The following EML5 variants were observed in gnomAD, a reference collection of about 807,000 sequenced individuals.
The protein encoded by EML5 is echinoderm microtubule-associated protein-like 5.
A neutral mutation model predicts 250.0 loss-of-function variants in EML5; 120 were observed. The observed-to-expected ratio is 0.48, with a 90% CI of 0.41 to 0.56. The LOEUF is 0.56. Ranked by LOEUF, EML5 falls within the 20% of genes least tolerant of loss-of-function variation. The pLI is 0.00. For missense variants in EML5, 2,006 were observed against 2,437.6 expected (o/e 0.82, Z 3.73); for synonymous variants, 771 against 806.5 (o/e 0.96, Z 0.75).
intron 14 of EML5, among the ~76,000 whole-genome samples, chr14:88,698,425 C>A (rs1272827228): frequency 2.0e-5 from 3 of 151,994 alleles, no homozygotes; most frequent in African/African-American, 7.2e-5. Context: ...CACCACCATG[C>A]CCGGCTAATT....
At chr14:88,705,067 C>A in intron 12 of EML5, 89 bp from the exon 13 acceptor site, 1 of 829,532 alleles carries the variant, frequency 1.2e-6, no homozygotes, top group Non-Finnish European at 1.8e-6. Flanking sequence ...CAGACATTGT[C>A]TGAAAACAAC....
chr14:88,737,252 G>A (rs774307893), intron 6 of EML5, among the ~76,000 whole-genome samples: 5 of 152,228 alleles, frequency 3.3e-5, no homozygotes, highest in Non-Finnish European at 7.3e-5. Context: ...GACTGAAAGA[G>A]CTATTAACAT....
At chr14:88,688,592 G>A in intron 17 of EML5, 119 bp from the exon 18 acceptor site, 1 of 1,020,558 alleles carries the variant, frequency 9.8e-7, no homozygotes, top group Non-Finnish European at 1.5e-6. Context: ...GCAACAGTAA[G>A]GAGAATTGAA....
intron 2 of EML5, 88 bp from the exon 3 acceptor site, chr14:88,746,371 T>G: frequency 2.8e-6 from 3 of 1,067,486 alleles, no homozygotes; most frequent in Non-Finnish European, 2.8e-6. Context: ...GAAATTATAC[T>G]CATGGGTTTT....
chr14:88,673,728 C>T (rs954836750), intron 21 of EML5, among the ~76,000 whole-genome samples: 2 of 152,142 alleles, frequency 1.3e-5, no homozygotes, highest in African/African-American at 4.8e-5. Flanking sequence ...TTCCTATATA[C>T]CAACAACAGA....
In EML5 at chr14:88,681,939, C is replaced by G; in HGVS notation, c.3075G>C (p.Trp1025Cys). 6.2e-7 allele frequency: 1 copy of G among 1,613,216 alleles called. No individual in the cohort carries two copies. Among genetic ancestry groups the G allele is most frequent in the Non-Finnish European group, 8.5e-7 (1 of 1,179,614 alleles). ...TVSDDKTLRI[W>C]DLSPSHCMLA... ...ACATACAATGACTAGGTGAGAGATC[C>G]CATATTCTTAAGGTTTTATCATCGC... The change falls in exon 21 of 44, where the codon TGG becomes TGC. Residue 1025 changes from tryptophan (W) to cysteine (C), a missense_variant. Transcript: ENST00000554922.
At chr14:88,674,910 T>A (rs1275004327) in intron 21 of EML5, among the ~76,000 whole-genome samples, 1 of 152,152 alleles carries the variant, frequency 6.6e-6, no homozygotes, top group Non-Finnish European at 1.5e-5. Context: ...AAGTCCAAAA[T>A]CCAGCAGGAC....
At position 88,632,454 on chromosome 14, in the gene EML5, C is replaced by G. The variant is rs1238998016; in HGVS notation, c.4357+2015G>C. ...CCTCTGCACTTAGCATGAATCCAAA[C>G]TCTTCTCCCTGAGCTACAGCATCCT... is the stretch of plus-strand genomic sequence containing the variant. On this transcript the variant is annotated intron_variant, in intron 33 of 43. Coordinates refer to ENST00000554922, the MANE Select transcript of EML5 (RefSeq NM_183387.3). Among the ~76,000 whole-genome samples, 3 of 152,190 alleles carry G rather than the reference C, an allele frequency of 2.0e-5. No homozygotes were observed. The South Asian group carries it at 6.2e-4, about 32-fold the overall frequency.
At chr14:88,760,153 A>G (rs1280000454) in intron 1 of EML5, among the ~76,000 whole-genome samples, 2 of 152,174 alleles carry the variant, frequency 1.3e-5, no homozygotes, top group Non-Finnish European at 2.9e-5. Context: ...TCTCTCACAG[A>G]GCAAACATTT....
chr14:88,621,103 CT>C lies in EML5; in HGVS notation c.5202+9del, dbSNP rs765799882. 5 of 1,606,640 alleles carry C rather than the reference CT, an allele frequency of 3.1e-6. No homozygotes were observed. In the African/African-American group the frequency reaches 5.4e-5, roughly 17 times the overall value. The stretch of plus-strand genomic sequence containing the variant: ...TTGTAACCTCTTTTAAAAAAATTAT[CT>C]GTACTTACTTTATCAGCAATATCCC... On this transcript the variant is annotated intron_variant, in intron 38 of 43. Transcript: ENST00000554922.
At chr14:88,661,312 A>T (rs530622667) in intron 25 of EML5, among the ~76,000 whole-genome samples, 37 of 152,296 alleles carry the variant, frequency 2.4e-4, no homozygotes, top group Non-Finnish European at 2.9e-4. Context: ...GCTGGCCTGA[A>T]ACGCCTGGCC....
intron 21 of EML5, among the ~76,000 whole-genome samples, chr14:88,669,380 C>T (rs1490350139): frequency 2.6e-5 from 4 of 152,216 alleles, no homozygotes; most frequent in Non-Finnish European, 5.9e-5. Context: ...ACTGCAGCTC[C>T]AGTCTGCCAT....
chr14:88,694,396 T>C lies in EML5; in HGVS notation c.2450A>G (p.Asp817Gly). The stretch of plus-strand genomic sequence containing the variant: ...GTTCATCTTTACAACAAAAATCTTA[T>C]CTTTACTTCCTCTGAAATAAACATC... ...EKLSIARGSK[D>G]KIFVVKMNPY... Residue 817 changes from aspartate to glycine, a missense_variant, in exon 17 of 44, where the codon GAT (aspartate) becomes GGT (glycine). Physicochemically the swap from Asp to Gly is moderately conservative, Grantham distance 94. Transcript: ENST00000554922. 1 of 1,574,470 alleles carries C rather than the reference T, an allele frequency of 6.4e-7. No individual in the cohort carries two copies. The highest frequency in any genetic ancestry group is 8.6e-7 in the Non-Finnish European group (1 of 1,157,326).
intron 33 of EML5, among the ~76,000 whole-genome samples, chr14:88,629,439 T>TA (rs1324003995): frequency 6.6e-6 from 1 of 152,336 alleles, no homozygotes; most frequent in African/African-American, 2.4e-5. Context: ...GTCACACACT[T>TA]AGACTGTTCT....
intron 1 of EML5, among the ~76,000 whole-genome samples, chr14:88,765,012 A>C (rs2094301996): frequency 6.6e-6 from 1 of 152,208 alleles, no homozygotes; most frequent in Non-Finnish European, 1.5e-5. Flanking sequence ...CATGAATAAT[A>C]AAGTCCTTTG....
intron 14 of EML5, among the ~76,000 whole-genome samples, chr14:88,699,623 T>C (rs983901747): frequency 1.4e-4 from 22 of 152,150 alleles, no homozygotes; most frequent in African/African-American, 4.8e-4. Flanking sequence ...ATGGCTATAG[T>C]AATGTTTTAG....
chr14:88,726,233 A>G (rs2093664616), intron 8 of EML5, among the ~76,000 whole-genome samples: 1 of 152,196 alleles, frequency 6.6e-6, no homozygotes, highest in South Asian at 2.1e-4. Context: ...GAAAATCTAT[A>G]CTAACAGGAA....
At chr14:88,775,913 G>C (rs993285922) in intron 1 of EML5, among the ~76,000 whole-genome samples, 3 of 152,208 alleles carry the variant, frequency 2.0e-5, no homozygotes, top group Non-Finnish European at 4.4e-5. Context: ...AGAAGAGAGA[G>C]AGAGAGAGAG....
At chr14:88,678,075 A>G (rs1220887006) in intron 21 of EML5, among the ~76,000 whole-genome samples, 4 of 152,232 alleles carry the variant, frequency 2.6e-5, no homozygotes, top group Non-Finnish European at 4.4e-5. Context: ...GATAAAGAAA[A>G]TGTGGTATAT....
Sources: allele counts gnomAD v4.1 joint callset (sites outside exome capture counted in the v4.1 genomes callset), GRCh38; gene constraint gnomAD v4.1.1; transcripts MANE v1.5; gene names NCBI Gene and HGNC (gene_info 2026-07-23, HGNC 2026-07-21).